The following RSPO2 variants were observed in gnomAD, a reference collection of about 807,000 sequenced individuals.
The protein encoded by RSPO2 is R-spondin-2.
A neutral mutation model predicts 30.9 loss-of-function variants in RSPO2; 14 were observed. The observed-to-expected ratio is 0.45, with a 90% CI of 0.30 to 0.71. The LOEUF is 0.71. RSPO2 is among the 30% of genes least tolerant of loss of function. The pLI is 0.08. For synonymous variants in RSPO2, 107 were observed against 96.4 expected, an observed-to-expected ratio of 1.11 and a Z score of -0.64; for missense variants, 264 against 301.9, an observed-to-expected ratio of 0.87 and a Z score of 0.93.
At chr8:107,942,042 T>G (rs1317502961) in intron 5 of RSPO2, among the ~76,000 whole-genome samples, 1 of 152,100 alleles carries the variant, frequency 6.6e-6, no homozygotes, top group Admixed American at 6.6e-5. Context: ...AGGGTCAAGA[T>G]TCGATAGTAA....
chr8:107,986,237 G>A (rs928052903), intron 3 of RSPO2, among the ~76,000 whole-genome samples: 23 of 152,230 alleles, frequency 1.5e-4, no homozygotes, highest in Middle Eastern at 3.4e-3. Flanking sequence ...AAAGAAACAT[G>A]ATTATCCAAA....
chr8:108,077,773 C>T (rs1368944532), intron 2 of RSPO2, among the ~76,000 whole-genome samples: 1 of 152,146 alleles, frequency 6.6e-6, no homozygotes. Flanking sequence ...ATACGCAACA[C>T]TGTCTTCACC....
chr8:108,043,892 G>C (rs7014699), intron 2 of RSPO2, among the ~76,000 whole-genome samples: 11,841 of 151,994 alleles, frequency 0.078, 793 homozygotes, highest in African/African-American at 0.17. Context: ...ATCAAACTCA[G>C]CTTTAGAAAT....
At chr8:107,951,581 T>C (rs1054973452) in intron 5 of RSPO2, among the ~76,000 whole-genome samples, 1 of 152,148 alleles carries the variant, frequency 6.6e-6, no homozygotes, top group Non-Finnish European at 1.5e-5. Flanking sequence ...TTCAGTGGCA[T>C]ATGTAGTTGA....
intron 5 of RSPO2, among the ~76,000 whole-genome samples, chr8:107,924,222 G>A (rs1046627571): frequency 6.6e-6 from 1 of 151,962 alleles, no homozygotes; most frequent in Non-Finnish European, 1.5e-5. Context: ...TAGGAAATCG[G>A]CCACAGAAAT....
chr8:107,989,487 G>A, intron 2 of RSPO2: 1 of 428,050 alleles, frequency 2.3e-6, no homozygotes, highest in African/African-American at 2.1e-5. Flanking sequence ...AAAGCTGAAT[G>A]GCTCATGGGG....
At chr8:108,054,969 C>T (rs1348249204) in intron 2 of RSPO2, among the ~76,000 whole-genome samples, 10 of 151,722 alleles carry the variant, frequency 6.6e-5, no homozygotes, top group African/African-American at 1.2e-4. Flanking sequence ...AACAAAACAA[C>T]GATTAGCCGG....
At chr8:107,936,156 TG>T (rs1157231804) in intron 5 of RSPO2, among the ~76,000 whole-genome samples, 8 of 152,154 alleles carry the variant, frequency 5.3e-5, no homozygotes, top group African/African-American at 1.9e-4. Context: ...TCTATCTTCA[TG>T]AGATCAATTT....
intron 2 of RSPO2, among the ~76,000 whole-genome samples, chr8:108,023,775 C>A (rs1020799093): frequency 1.3e-5 from 2 of 152,082 alleles, no homozygotes; most frequent in African/African-American, 4.8e-5. Context: ...AATAAAAGAG[C>A]AAGTATTAAT....
chr8:108,051,036 G>GT (rs1365856048), intron 2 of RSPO2, among the ~76,000 whole-genome samples: 2 of 152,150 alleles, frequency 1.3e-5, no homozygotes, highest in Non-Finnish European at 2.9e-5. Context: ...AAAACCATGT[G>GT]TAAGGATGTA....
intron 2 of RSPO2, among the ~76,000 whole-genome samples, chr8:108,038,067 T>C (rs1393703483): frequency 1.3e-5 from 2 of 152,208 alleles, no homozygotes; most frequent in African/African-American, 4.8e-5. Flanking sequence ...ATTCCTCTAA[T>C]GAATCTGGGA....
At chr8:108,017,431 A>C (rs546155121) in intron 2 of RSPO2, among the ~76,000 whole-genome samples, 1 of 152,342 alleles carries the variant, frequency 6.6e-6, no homozygotes, top group African/African-American at 2.4e-5. Flanking sequence ...GGATGGGGAA[A>C]AGAAGTGGGC....
At chr8:107,942,051 A>G (rs1447116297) in intron 5 of RSPO2, among the ~76,000 whole-genome samples, 1 of 152,150 alleles carries the variant, frequency 6.6e-6, no homozygotes, top group Non-Finnish European at 1.5e-5. Flanking sequence ...ATTCGATAGT[A>G]ACTTAAGAGA....
At chr8:107,957,306 T>A (rs1239702074) in intron 5 of RSPO2, among the ~76,000 whole-genome samples, 1 of 152,186 alleles carries the variant, frequency 6.6e-6, no homozygotes, top group East Asian at 1.9e-4. Context: ...CGAATGACAT[T>A]GTAGCATCCG....
chr8:108,045,040 T>G (rs995022159), intron 2 of RSPO2, among the ~76,000 whole-genome samples: 4 of 152,024 alleles, frequency 2.6e-5, no homozygotes, highest in African/African-American at 9.7e-5. Flanking sequence ...GACTAAGGCC[T>G]CAAAAGCAAT....
At chr8:107,901,279 G>A in intron 5 of RSPO2, 89 bp from the exon 6 acceptor site, 2 of 1,428,370 alleles carry the variant, frequency 1.4e-6, no homozygotes, top group Non-Finnish European at 1.9e-6. Flanking sequence ...TTTGCACAAA[G>A]CCCATCTGGA....
intron 3 of RSPO2, among the ~76,000 whole-genome samples, chr8:107,979,816 C>G (rs1288656171): frequency 6.6e-6 from 1 of 152,142 alleles, no homozygotes; most frequent in Non-Finnish European, 1.5e-5. Flanking sequence ...GTACCACTGC[C>G]TTAGCTGAAG....
intron 2 of RSPO2, among the ~76,000 whole-genome samples, chr8:108,027,850 C>A (rs578194829): frequency 6.6e-6 from 1 of 152,278 alleles, no homozygotes; most frequent in Admixed American, 6.5e-5. Flanking sequence ...CTCTAAGAGT[C>A]AATGTAACCT....
intron 5 of RSPO2, among the ~76,000 whole-genome samples, chr8:107,949,444 G>C (rs1330541517): frequency 6.6e-6 from 1 of 151,186 alleles, no homozygotes; most frequent in Admixed American, 6.6e-5. Context: ...ATTTCGAATT[G>C]TACTGCTATA....
Sources: gnomAD v4.1 joint callset for allele counts (sites outside exome capture counted in the v4.1 genomes callset) on GRCh38, gnomAD v4.1.1 for gene constraint, MANE v1.5 for transcripts, NCBI Gene and HGNC (gene_info 2026-07-23, HGNC 2026-07-21) for gene names.